The following PCSK5 variants were observed in gnomAD, a reference collection of about 807,000 sequenced individuals.
PCSK5 encodes proprotein convertase subtilisin/kexin type 5.
PCSK5 carries 129 observed loss-of-function variants against 233.2 expected under a neutral mutation model. The ratio of observed to expected loss-of-function variants is 0.55; its 90% confidence interval spans 0.48 to 0.64. The LOEUF is 0.64. PCSK5 is among the 30% of genes least tolerant of loss of function. The pLI, the probability that PCSK5 is intolerant of heterozygous loss-of-function variation, is 0.00. For missense variants in PCSK5, 2,076 were observed against 2,430.1 expected (o/e 0.85, Z 3.06); for synonymous variants, 825 against 879.2 (o/e 0.94, Z 1.09).
At chr9:75,964,571 C>T (rs370784253) in intron 2 of PCSK5, among the ~76,000 whole-genome samples, 1 of 152,134 alleles carries the variant, frequency 6.6e-6, no homozygotes, top group East Asian at 1.9e-4. Context: ...CTTCCGTAAG[C>T]GGAGAGTCTG....
In PCSK5 at chr9:76,328,038, T is replaced by A; in HGVS notation, c.4369T>A (p.Ser1457Thr). 6.2e-7 allele frequency: 1 copy of A among 1,612,674 alleles called. No individual in the cohort carries two copies. The highest frequency in any genetic ancestry group is 8.5e-7 in the Non-Finnish European group (1 of 1,179,720). ...CCACAAGTCCTGCTTGACCTGCTCA[T>A]CATCTGGGACCTGCACCACCTGTCA... ...DCHKSCLTCS[S>T]SGTCTTCQKG... Residue 1457 changes from serine (S) to threonine (T), a missense_variant, in exon 33 of 38, where the codon TCA (serine) becomes ACA (threonine). This residue lies in a region of PCSK5 where 1,510 missense variants were observed against 1,538.1 expected (regional missense o/e 0.98). Coordinates refer to ENST00000674117, the MANE Select transcript of PCSK5 (RefSeq NM_001372043.1).
At chr9:76,330,236 T>G (rs1829486196) in intron 33 of PCSK5, among the ~76,000 whole-genome samples, 1 of 152,144 alleles carries the variant, frequency 6.6e-6, no homozygotes, top group Non-Finnish European at 1.5e-5. Context: ...AGATCAGAGT[T>G]GAAGGTTATT....
rs1564040999 is a variant in PCSK5, at chr9:76,121,819, T to TATGACTGCCTTAATA, written c.1209-12290_1209-12289insATGACTGCCTTAATA. Among the ~76,000 whole-genome samples, 146 of 36,858 alleles carry TATGACTGCCTTAATA rather than the reference T, an allele frequency of 4.0e-3. 3 individuals are homozygous for TATGACTGCCTTAATA. The highest frequency in any genetic ancestry group is 7.2e-3 in the South Asian group (8 of 1,116). 24.2% of individuals were successfully genotyped at this position (36,858 alleles called of 152,430 possible). A position where few individuals can be genotyped will look rare whatever the true frequency, so the allele number is the denominator to read the frequency against. On this transcript the variant is annotated intron_variant, in intron 9 of 37. Transcript: ENST00000674117. The stretch of plus-strand genomic sequence containing the variant: ...TATAAACATCTCTTGTATTGGTTTT[T>TATGACTGCCTTAATA]TTTTTTTTTTTTTTTTTTTTTTGAG...
intron 8 of PCSK5, among the ~76,000 whole-genome samples, chr9:76,097,451 C>T (rs1282779326): frequency 6.9e-6 from 1 of 145,250 alleles, no homozygotes; most frequent in Non-Finnish European, 1.5e-5. Context: ...TTAGTAGAGA[C>T]GGGGGTGCAT....
At chr9:76,355,333 C>T (rs565888153) in intron 37 of PCSK5, among the ~76,000 whole-genome samples, 16 of 151,976 alleles carry the variant, frequency 1.1e-4, no homozygotes, top group Non-Finnish European at 1.9e-4. Flanking sequence ...ATTAGCCAGG[C>T]GTGGTGGCGG....
At chr9:76,000,265 A>G (rs1166470079) in intron 3 of PCSK5, among the ~76,000 whole-genome samples, 3 of 152,180 alleles carry the variant, frequency 2.0e-5, no homozygotes, top group Non-Finnish European at 4.4e-5. Context: ...TGCAAGTTCT[A>G]TCCCTGATAT....
chr9:76,168,287 A>C (rs1420849788), intron 12 of PCSK5, among the ~76,000 whole-genome samples: 18 of 152,038 alleles, frequency 1.2e-4, no homozygotes, highest in Admixed American at 7.9e-4. Flanking sequence ...GAGTAGTGGG[A>C]CTACAGGTAC....
At position 76,173,496 on chromosome 9, in the gene PCSK5, C is replaced by CTTTTTTTTTTTTTTTTTTTT. The variant is rs59248860; in HGVS notation, c.1757-1473_1757-1454dup. Among the ~76,000 whole-genome samples, 78 of 61,000 alleles carry CTTTTTTTTTTTTTTTTTTTT rather than the reference C, an allele frequency of 1.3e-3. 13 individuals carry two copies. The highest frequency in any genetic ancestry group is 1.9e-3 in the Non-Finnish European group (58 of 30,122). The allele number at this position is 61,000 out of a possible 152,430, so 40.0% of individuals were successfully genotyped here. A position where few individuals can be genotyped will look rare whatever the true frequency, so the allele number is the denominator to read the frequency against. ...CTTTAATGAAATGGAGGCACGTTTC[C>CTTTTTTTTTTTTTTTTTTTT]TTTTTTTTTTTTTTTTTTTTTTTTT... On this transcript the variant is annotated intron_variant, in intron 13 of 37. Coordinates refer to ENST00000674117, the MANE Select transcript of PCSK5 (RefSeq NM_001372043.1).
chr9:76,206,423 A>T (rs933054162), intron 20 of PCSK5, among the ~76,000 whole-genome samples: 5 of 152,208 alleles, frequency 3.3e-5, no homozygotes, highest in African/African-American at 1.2e-4. Context: ...CATACGAAAC[A>T]TCCCCACCCC....
intron 19 of PCSK5, 91 bp from the exon 20 acceptor site, chr9:76,189,540 A>G: frequency 1.3e-6 from 1 of 795,458 alleles, no homozygotes; most frequent in Non-Finnish European, 2.1e-6. Context: ...CAGAGGGATA[A>G]TTAAATGTAA....
intron 13 of PCSK5, among the ~76,000 whole-genome samples, chr9:76,173,476 A>G (rs1823413642): frequency 9.1e-6 from 1 of 109,638 alleles, no homozygotes; most frequent in Non-Finnish European, 1.9e-5. Flanking sequence ...ACTAACTTTA[A>G]TGAAATGGAG....
intron 2 of PCSK5, among the ~76,000 whole-genome samples, chr9:75,970,475 C>T (rs1587438447): frequency 1.3e-5 from 2 of 152,304 alleles, no homozygotes; most frequent in East Asian, 3.9e-4. Flanking sequence ...GACAGTTCTC[C>T]TGTCATTTGC....
intron 10 of PCSK5, among the ~76,000 whole-genome samples, chr9:76,156,839 G>A (rs996439726): frequency 6.6e-6 from 1 of 152,136 alleles, no homozygotes; most frequent in Non-Finnish European, 1.5e-5. Flanking sequence ...GCATATTACT[G>A]GTAGTGATAG....
At chr9:76,045,124 G>A (rs985003924) in intron 5 of PCSK5, among the ~76,000 whole-genome samples, 2 of 152,164 alleles carry the variant, frequency 1.3e-5, no homozygotes, top group Admixed American at 1.3e-4. Flanking sequence ...ATTTTCAAAT[G>A]TAAGTTATTT....
chr9:76,134,606 T>C (rs1462190835), intron 10 of PCSK5, among the ~76,000 whole-genome samples: 1 of 152,088 alleles, frequency 6.6e-6, no homozygotes, highest in Non-Finnish European at 1.5e-5. Flanking sequence ...TTGTTCACTT[T>C]AGTGTAGCAC....
intron 5 of PCSK5, among the ~76,000 whole-genome samples, chr9:76,065,208 CG>C (rs1408228880): frequency 1.3e-5 from 2 of 151,968 alleles, no homozygotes; most frequent in Non-Finnish European, 2.9e-5. Flanking sequence ...TTAGGTTTTA[CG>C]GGACCCGCCA....
chr9:76,272,193 C>T (rs1827535770), intron 24 of PCSK5, among the ~76,000 whole-genome samples: 1 of 152,114 alleles, frequency 6.6e-6, no homozygotes, highest in Admixed American at 6.5e-5. Context: ...TTTTGGAAGA[C>T]ATAATTCAAC....
At chr9:76,082,537 C>A (rs970332187) in intron 7 of PCSK5, among the ~76,000 whole-genome samples, 41 of 152,122 alleles carry the variant, frequency 2.7e-4, no homozygotes, top group Non-Finnish European at 3.8e-4. Context: ...GAATAGCACT[C>A]AGCCCTTGTC....
At chr9:76,339,686 A>G (rs1212939194) in intron 35 of PCSK5, among the ~76,000 whole-genome samples, 3 of 152,090 alleles carry the variant, frequency 2.0e-5, no homozygotes, top group African/African-American at 7.2e-5. Context: ...CTGGGATTAC[A>G]GACGTGCACC....
Sources: gnomAD v4.1 joint callset for allele counts (sites outside exome capture counted in the v4.1 genomes callset) on GRCh38, gnomAD v4.1.1 for gene constraint, gnomAD v4.1.1 regional missense constraint, MANE v1.5 for transcripts, NCBI Gene and HGNC (gene_info 2026-07-23, HGNC 2026-07-21) for gene names.